The following SEMA3A variants were observed in gnomAD, a reference collection of about 807,000 sequenced individuals.
SEMA3A encodes the protein semaphorin-3A.
A neutral mutation model predicts 97.9 loss-of-function variants in SEMA3A; 29 were observed. The observed-to-expected ratio is 0.30, with a 90% CI of 0.22 to 0.40. SEMA3A has a LOEUF of 0.40. SEMA3A is among the 10% of genes least tolerant of loss of function. SEMA3A has a pLI of 1.00. For missense variants in SEMA3A, 763 were observed against 951.3 expected (o/e 0.80, Z 2.60); for synonymous variants, 321 against 323.7 (o/e 0.99, Z 0.09).
intron 4 of SEMA3A, among the ~76,000 whole-genome samples, chr7:84,077,737 T>C (rs765815675): frequency 1.3e-5 from 2 of 152,048 alleles, no homozygotes; most frequent in Non-Finnish European, 2.9e-5. Flanking sequence ...TTAGCGATAA[T>C]GCACATTTTA....
At chr7:84,469,192 T>C (rs546278426) in intron 1 of SEMA3A, among the ~76,000 whole-genome samples, 20 of 152,302 alleles carry the variant, frequency 1.3e-4, no homozygotes, top group Non-Finnish European at 2.8e-4. Context: ...TGCATATGAA[T>C]AGCTAAATGA....
upstream of SEMA3A, chr7:84,195,275 G>C (rs1798194705): frequency 6.6e-6 from 1 of 152,148 alleles, no homozygotes; most frequent in African/African-American, 2.4e-5. Context: ...AAGGCATGTA[G>C]CTATAAATTT....
chr7:84,376,105 G>A (rs1303150285), intron 1 of SEMA3A, among the ~76,000 whole-genome samples: 2 of 152,072 alleles, frequency 1.3e-5, no homozygotes, highest in Non-Finnish European at 2.9e-5. Flanking sequence ...ACTGATGAAC[G>A]CTTGGGCTGA....
At chr7:84,251,228 C>T (rs1287130299) in intron 3 of SEMA3A, among the ~76,000 whole-genome samples, 6 of 152,224 alleles carry the variant, frequency 3.9e-5, no homozygotes, top group African/African-American at 1.4e-4. Flanking sequence ...GGTTCAATAT[C>T]GTGTTTTCAG....
intron 3 of SEMA3A, among the ~76,000 whole-genome samples, chr7:84,202,151 G>T (rs1487696899): frequency 1.3e-5 from 2 of 152,002 alleles, no homozygotes; most frequent in Non-Finnish European, 2.9e-5. Context: ...ATTTTTGATA[G>T]AATTGTACAA....
At chr7:84,417,967 G>C (rs950304336) in intron 1 of SEMA3A, among the ~76,000 whole-genome samples, 3 of 152,086 alleles carry the variant, frequency 2.0e-5, no homozygotes, top group Non-Finnish European at 4.4e-5. Context: ...AACCCTTCGA[G>C]GAAGAATGAC....
At chr7:84,089,761 A>G (rs1381393664) in intron 4 of SEMA3A, among the ~76,000 whole-genome samples, 1 of 152,010 alleles carries the variant, frequency 6.6e-6, no homozygotes, top group African/African-American at 2.4e-5. Context: ...GTATACAGAT[A>G]TACAACTTAT....
intron 1 of SEMA3A, among the ~76,000 whole-genome samples, chr7:84,152,780 C>T (rs1796717864): frequency 1.3e-5 from 2 of 151,792 alleles, no homozygotes; most frequent in Admixed American, 1.3e-4. Flanking sequence ...ATAAAATTTC[C>T]AAGATTTTAA....
chr7:84,197,998 C>T (rs1798275269), upstream of SEMA3A, among the ~76,000 whole-genome samples: 1 of 151,958 alleles, frequency 6.6e-6, no homozygotes, highest in South Asian at 2.1e-4. Context: ...CCTCCGCCTC[C>T]CATAGTGGTA....
chr7:84,444,699 C>A (rs934039105), intron 1 of SEMA3A, among the ~76,000 whole-genome samples: 1 of 151,738 alleles, frequency 6.6e-6, no homozygotes, highest in Non-Finnish European at 1.5e-5. Context: ...GTAGCTGGGA[C>A]TACAGGTGCC....
At chr7:84,420,323 A>T (rs368288537) in intron 1 of SEMA3A, among the ~76,000 whole-genome samples, 3 of 152,116 alleles carry the variant, frequency 2.0e-5, no homozygotes, top group African/African-American at 7.2e-5. Context: ...GAGGGAAACC[A>T]GGAAAATGAT....
intron 3 of SEMA3A, among the ~76,000 whole-genome samples, chr7:84,283,682 G>T (rs186540943): frequency 2.4e-4 from 37 of 152,116 alleles, no homozygotes; most frequent in Admixed American, 2.2e-3. Context: ...TAGTAAAAGT[G>T]TTGTTAAACA....
intron 1 of SEMA3A, among the ~76,000 whole-genome samples, chr7:84,434,472 TA>T (rs1227075182): frequency 6.6e-6 from 1 of 152,072 alleles, no homozygotes; most frequent in Admixed American, 6.6e-5. Context: ...AAATGATTCC[TA>T]AAAATTGAGA....
chr7:84,352,509 C>T (rs1325697841), intron 2 of SEMA3A, among the ~76,000 whole-genome samples: 1 of 151,638 alleles, frequency 6.6e-6, no homozygotes, highest in African/African-American at 2.4e-5. Flanking sequence ...TAAGTATATG[C>T]ACCTACTATG....
At chr7:84,428,392 A>C (rs1804882431) in intron 1 of SEMA3A, among the ~76,000 whole-genome samples, 1 of 152,096 alleles carries the variant, frequency 6.6e-6, no homozygotes, top group Non-Finnish European at 1.5e-5. Flanking sequence ...CTAATAAAGT[A>C]ATATTTCATA....
At chr7:84,095,174 C>T (rs1794720129) in intron 4 of SEMA3A, among the ~76,000 whole-genome samples, 2 of 141,878 alleles carry the variant, frequency 1.4e-5, no homozygotes, top group Non-Finnish European at 3.1e-5. Context: ...GCACATATCT[C>T]TCTATATATT....
intron 4 of SEMA3A, among the ~76,000 whole-genome samples, chr7:84,105,617 G>C (rs1033473943): frequency 6.6e-6 from 1 of 151,682 alleles, no homozygotes; most frequent in Non-Finnish European, 1.5e-5. Flanking sequence ...TAGATTTCCT[G>C]CCAGTAAGTA....
At chr7:84,198,110 T>C (rs1253539890), upstream of SEMA3A, among the ~76,000 whole-genome samples, 3 of 152,208 alleles carry the variant, frequency 2.0e-5, no homozygotes, top group Non-Finnish European at 4.4e-5. Context: ...TTTGACACCA[T>C]ACACCATAAC....
chr7:84,394,869 A>T (rs540618712), intron 1 of SEMA3A, among the ~76,000 whole-genome samples: 1 of 152,308 alleles, frequency 6.6e-6, no homozygotes, highest in Admixed American at 6.5e-5. Flanking sequence ...AAATTAAAGC[A>T]TTCACAAAGG....
Sources: gnomAD v4.1 joint callset for allele counts (sites outside exome capture counted in the v4.1 genomes callset) on GRCh38, gnomAD v4.1.1 for gene constraint, MANE v1.5 for transcripts, NCBI Gene and HGNC (gene_info 2026-07-23, HGNC 2026-07-21) for gene names.